Variants in KCND3 observed in about 807,000 individuals in gnomAD.
KCND3 encodes the protein potassium voltage-gated channel subfamily D member 3.
Under a neutral mutation model 51.1 loss-of-function variants are expected in KCND3, and 9 were observed. That is an observed-to-expected ratio of 0.18 (90% confidence interval 0.11 to 0.31). The LOEUF (loss-of-function observed/expected upper bound fraction) is 0.31, where lower values mean the gene tolerates loss of function less well. Ranked by LOEUF, KCND3 falls within the 10% of genes least tolerant of loss-of-function variation. KCND3 has a pLI of 1.00. For synonymous variants in KCND3, 349 were observed against 368.0 expected (o/e 0.95, Z 0.59); for missense variants, 526 against 903.8 (o/e 0.58, Z 5.36).
intron 2 of KCND3, among the ~76,000 whole-genome samples, chr1:111,873,479 T>C (rs181672275): frequency 1.3e-5 from 2 of 152,292 alleles, no homozygotes; most frequent in Non-Finnish European, 1.5e-5. Context: ...GTAGCCCTAC[T>C]TGGGGTGAGA....
intron 2 of KCND3, among the ~76,000 whole-genome samples, chr1:111,890,226 G>A (rs558004828): frequency 6.6e-6 from 1 of 152,340 alleles, no homozygotes; most frequent in South Asian, 2.1e-4. Flanking sequence ...TGCAAGTGAA[G>A]ACCAGCTAGG....
At chr1:111,885,153 A>G (rs1018753468) in intron 2 of KCND3, among the ~76,000 whole-genome samples, 2 of 152,226 alleles carry the variant, frequency 1.3e-5, no homozygotes, top group Non-Finnish European at 2.9e-5. Context: ...TGGATTTGAC[A>G]TTATCTTTGT....
chr1:111,938,624 G>A (rs913091603), intron 2 of KCND3, among the ~76,000 whole-genome samples: 2 of 152,200 alleles, frequency 1.3e-5, no homozygotes, highest in Admixed American at 6.5e-5. Flanking sequence ...GACATTGAAT[G>A]GAAACTTGAA....
chr1:111,939,993 T>C (rs1245858282), intron 2 of KCND3, among the ~76,000 whole-genome samples: 3 of 152,166 alleles, frequency 2.0e-5, no homozygotes, highest in Non-Finnish European at 4.4e-5. Flanking sequence ...GATGATGAAC[T>C]TTCTTTCATA....
chr1:111,946,327 G>A (rs1672776247), intron 2 of KCND3, among the ~76,000 whole-genome samples: 1 of 152,186 alleles, frequency 6.6e-6, no homozygotes, highest in African/African-American at 2.4e-5. Context: ...CGTGGGCAAG[G>A]GGAAAGGCAT....
intron 2 of KCND3, among the ~76,000 whole-genome samples, chr1:111,935,875 C>A (rs1672195965): frequency 6.6e-6 from 1 of 152,196 alleles, no homozygotes; most frequent in Non-Finnish European, 1.5e-5. Flanking sequence ...ACAGAACACC[C>A]CCAATCCACT....
chr1:111,945,904 G>A (rs774685245), intron 2 of KCND3, among the ~76,000 whole-genome samples: 2 of 152,202 alleles, frequency 1.3e-5, no homozygotes, highest in Non-Finnish European at 2.9e-5. Flanking sequence ...GGGCTTTGGC[G>A]TCAGATGGAC....
chr1:111,860,617 A>G (rs1668295475), intron 2 of KCND3, among the ~76,000 whole-genome samples: 2 of 152,128 alleles, frequency 1.3e-5, no homozygotes, highest in Non-Finnish European at 2.9e-5. Context: ...AGCCCTATCT[A>G]TCCTTGAGCT....
chr1:111,876,391 ACTGCAAGGTGGCTGTT>A (rs1669051434), intron 2 of KCND3, among the ~76,000 whole-genome samples: 1 of 152,220 alleles, frequency 6.6e-6, no homozygotes, highest in Non-Finnish European at 1.5e-5. Flanking sequence ...AGCACTCAGC[ACTGCAAGGTGGCTGTT>A]CTGGCCCAGC....
Position 111,776,044 on chromosome 1 carries a change from C to T in KCND3, c.*33G>A, listed in dbSNP as rs770661381. The T allele has an allele frequency of 5.0e-6, 8 of 1,611,768 alleles. No individual in the cohort carries two copies. Among genetic ancestry groups the T allele is most frequent in the South Asian group, 4.4e-5 (4 of 91,024 alleles). On this transcript the variant is annotated 3_prime_UTR_variant, in exon 8 of 8. Transcript: ENST00000302127. Reference sequence around the variant, plus strand: ...CCAACATGCCAGTCCCCTTCATTCCCCACTACCCACTCTGGCCCTCTGTCC... The same window carrying T: ...CCAACATGCCAGTCCCCTTCATTCCTCACTACCCACTCTGGCCCTCTGTCC...
chr1:111,780,919 A>T lies in KCND3; in HGVS notation c.1270-128T>A. On this transcript the variant is annotated intron_variant, in intron 3 of 7. Coordinates refer to ENST00000302127, the MANE Select transcript of KCND3 (RefSeq NM_001378969.1). This position sits in a 1 kb window ranked among gnomAD's most constrained non-coding sequence, Gnocchi z 4.2. ...AAGGGGATGAGGCTGTTTCTCTCCA[A>T]CCTCATGCATCTCCAGTTGTGTACC... 1.3e-6 allele frequency: 1 copy of T among 762,408 alleles called. No homozygotes were observed. Among genetic ancestry groups the T allele is most frequent in the South Asian group, 1.5e-5 (1 of 68,130 alleles). The allele number at this position is 762,408 out of a possible 1,614,324, so 47.2% of individuals were successfully genotyped here. A position where few individuals can be genotyped will look rare whatever the true frequency, so the allele number is the denominator to read the frequency against.
intron 2 of KCND3, among the ~76,000 whole-genome samples, chr1:111,946,735 G>A (rs865893127): frequency 6.6e-5 from 10 of 152,284 alleles, no homozygotes; most frequent in Middle Eastern, 6.8e-3. Context: ...GGTTTGCAGG[G>A]GGTTTATCCA....
intron 2 of KCND3, among the ~76,000 whole-genome samples, chr1:111,826,670 G>C (rs1666589422): frequency 6.6e-6 from 1 of 152,200 alleles, no homozygotes; most frequent in African/African-American, 2.4e-5. Flanking sequence ...TGTTTCCTAA[G>C]GCTGAAGAGT....
At chr1:111,864,250 T>G (rs1339015205) in intron 2 of KCND3, among the ~76,000 whole-genome samples, 1 of 152,172 alleles carries the variant, frequency 6.6e-6, no homozygotes, top group Non-Finnish European at 1.5e-5. Flanking sequence ...AAATAGCACA[T>G]TCATCAGGCC....
At chr1:111,908,103 C>T (rs1670736085) in intron 2 of KCND3, among the ~76,000 whole-genome samples, 1 of 152,242 alleles carries the variant, frequency 6.6e-6, no homozygotes, top group African/African-American at 2.4e-5. Flanking sequence ...CTTGGTTTCC[C>T]TGAAAACACT....
intron 2 of KCND3, among the ~76,000 whole-genome samples, chr1:111,814,512 G>C (rs1440440031): frequency 6.6e-6 from 1 of 152,224 alleles, no homozygotes; most frequent in African/African-American, 2.4e-5. Flanking sequence ...CGAGCTCTGC[G>C]TATACCTTGC....
chr1:111,842,125 A>AGAAAGGG lies in KCND3; in HGVS notation c.1107-55026_1107-55020dup, dbSNP rs537642175. On this transcript the variant is annotated intron_variant, in intron 2 of 7. Transcript: ENST00000302127. ...TCACTGTGGGTCCCCAGTGTCAACC[A>AGAAAGGG]GAAAGGGGCCCAGGTGTTTTGGATT... Among the ~76,000 whole-genome samples the AGAAAGGG allele has an allele frequency of 2.7e-3, 414 of 152,282 alleles. 7 individuals are homozygous for AGAAAGGG. Among genetic ancestry groups the AGAAAGGG allele is most frequent in the Middle Eastern group, 0.02 (6 of 294 alleles).
In KCND3 at chr1:111,824,104, T is replaced by A. The variant is rs537335659; in HGVS notation, c.1107-36998A>T. On this transcript the variant is annotated intron_variant, in intron 2 of 7. Transcript: ENST00000302127. ...TAGTTATGCTAATAGCATGATCCCA[T>A]GCCTTCTCCAACTCCAAAAAAAAAA... 2.9e-5 allele frequency among the ~76,000 whole-genome samples: 4 copies of A among 137,710 alleles called. No individual in the cohort carries two copies. In the South Asian group the frequency reaches 9.9e-4, roughly 34 times the overall value. 90.3% of individuals were successfully genotyped at this position (137,710 alleles called of 152,430 possible). A position where few individuals can be genotyped will look rare whatever the true frequency, so the allele number is the denominator to read the frequency against.
chr1:111,982,403 G>A lies in KCND3; in HGVS notation c.324C>T (p.Tyr108=), dbSNP rs777559132. The change falls in exon 2 of 8, where the codon TAC becomes TAT. Residue 108 remains tyrosine, a synonymous_variant. Coordinates refer to ENST00000302127, the MANE Select transcript of KCND3 (RefSeq NM_001378969.1). The surrounding 1 kb of genome is among the most constrained non-coding windows in gnomAD (Gnocchi z 8.5). ...CGTCGTCGTAGGCAGAGATGCACTC[G>A]TAGCGCGGGTAGTGCAGCTTCCCCG... The part of the protein sequence containing the change: ...YRTGKLHYPR[Y]ECISAYDDEL... 5.2e-5 allele frequency: 84 copies of A among 1,614,206 alleles called. No homozygotes were observed. The East Asian group carries it at 1.4e-3, about 27-fold the overall frequency.
Sources: allele counts gnomAD v4.1 joint callset (sites outside exome capture counted in the v4.1 genomes callset), GRCh38; gene constraint gnomAD v4.1.1; non-coding constraint Gnocchi (gnomAD v3.1); transcripts MANE v1.5; gene names NCBI Gene and HGNC (gene_info 2026-07-23, HGNC 2026-07-21).